The following ZNF141 variants were observed in gnomAD, a reference collection of about 807,000 sequenced individuals.
ZNF141 encodes the protein zinc finger protein 141 (clone pHZ-44).
In ZNF141, 7 loss-of-function variants were observed where a neutral mutation model predicts 11.3. The observed-to-expected ratio is 0.62, with a 90% CI of 0.35 to 1.16. The LOEUF is 1.16. Ranked by LOEUF, ZNF141 falls within the 50% of genes most tolerant of loss-of-function variation. ZNF141 has a pLI of 0.02. For missense variants in ZNF141, 535 were observed against 554.0 expected (o/e 0.97, Z 0.34); for synonymous variants, 183 against 190.7 (o/e 0.96, Z 0.33).
intron 3 of ZNF141, among the ~76,000 whole-genome samples, chr4:346,734 G>A (rs1721333947): frequency 6.6e-6 from 1 of 151,974 alleles, no homozygotes. Context: ...GTCTTTCCGT[G>A]TTTGGCTTAT....
chr4:365,380 C>T (rs146501840), intron 3 of ZNF141, among the ~76,000 whole-genome samples: 2 of 152,290 alleles, frequency 1.3e-5, no homozygotes, highest in South Asian at 4.2e-4. Flanking sequence ...GAACCAGGTA[C>T]CTCAGTTGGA....
chr4:353,249 T>A (rs73066321), intron 3 of ZNF141, among the ~76,000 whole-genome samples: 7,939 of 151,720 alleles, frequency 0.052, 511 homozygotes, highest in African/African-American at 0.15. Flanking sequence ...TGGCACGAAC[T>A]TGTATTCCCA....
At chr4:340,395 C>T (rs1720989979) in intron 1 of ZNF141, among the ~76,000 whole-genome samples, 1 of 152,234 alleles carries the variant, frequency 6.6e-6, no homozygotes, top group South Asian at 2.1e-4. Flanking sequence ...GGATAGCGAT[C>T]AGTTTTTCCA....
At chr4:338,393 AT>A (rs1343264093) in intron 1 of ZNF141, 1 of 186,682 alleles carries the variant, frequency 5.4e-6, no homozygotes, top group African/African-American at 2.4e-5. Flanking sequence ...ATGGGGACTC[AT>A]TAATGGGACA....
chr4:363,701 T>C (rs1711589627), intron 3 of ZNF141, among the ~76,000 whole-genome samples: 1 of 149,484 alleles, frequency 6.7e-6, no homozygotes, highest in African/African-American at 2.5e-5. Context: ...GAGCTTGCAG[T>C]GAGCCAAGAT....
intron 3 of ZNF141, among the ~76,000 whole-genome samples, chr4:349,226 G>C (rs1553850070): frequency 6.6e-6 from 1 of 151,364 alleles, no homozygotes; most frequent in African/African-American, 2.4e-5. Flanking sequence ...GTGAGTACAG[G>C]AGTTTGAGAT....
intron 3 of ZNF141, among the ~76,000 whole-genome samples, chr4:349,296 A>T (rs1228154101): frequency 6.6e-6 from 1 of 152,036 alleles, no homozygotes; most frequent in Non-Finnish European, 1.5e-5. Context: ...ACAAGCATCT[A>T]TATGTTGATT....
intron 3 of ZNF141, among the ~76,000 whole-genome samples, chr4:368,289 G>A (rs1711846573): frequency 6.6e-6 from 1 of 151,900 alleles, no homozygotes; most frequent in Non-Finnish European, 1.5e-5. Flanking sequence ...CAGTCAGAAT[G>A]TAAGTGCAGT....
In ZNF141 at chr4:373,490, C is replaced by T. The variant is rs1712188701; in HGVS notation, c.1053C>T (p.Ser351=). 6.2e-7 allele frequency: 1 copy of T among 1,613,834 alleles called. No individual in the cohort carries two copies. The highest frequency in any genetic ancestry group is 1.1e-5 in the South Asian group (1 of 91,070). The change falls in exon 4 of 4, where the codon TCC becomes TCT. Residue 351 remains serine (S), a synonymous_variant. Coordinates refer to ENST00000240499, the MANE Select transcript of ZNF141 (RefSeq NM_003441.4). ...AATGTGGCAAAGCTTTTAGACAGTC[C>T]TCAAAACTGAATGAACATAAGAAAG... ...CEECGKAFRQ[S]SKLNEHKKVH... is the part of the protein sequence containing the mutation.
chr4:339,583 T>C (rs1231188561), intron 1 of ZNF141, among the ~76,000 whole-genome samples: 1 of 152,244 alleles, frequency 6.6e-6, no homozygotes, highest in African/African-American at 2.4e-5. Context: ...ATGCTTTCTC[T>C]TTAGAATGAG....
In ZNF141 at chr4:345,680, A is replaced by AT. The variant is rs1721286257; in HGVS notation, c.226+1254dup. 2.9e-5 allele frequency among the ~76,000 whole-genome samples: 4 copies of AT among 138,696 alleles called. 1 individual carries two copies. The highest frequency in any genetic ancestry group is 1.1e-4 in the African/African-American group (4 of 35,260). The allele number at this position is 138,696 out of a possible 152,430, so 91.0% of individuals were successfully genotyped here. ...GAGACGGAGGTTGCGGTTTGCCGAG[A>AT]TTTTGCCATTGCACTCCAGCCTGGG... On this transcript the variant is annotated intron_variant, in intron 3 of 3. Coordinates refer to ENST00000240499, the MANE Select transcript of ZNF141 (RefSeq NM_003441.4).
At chr4:357,485 A>G (rs1721898606) in intron 3 of ZNF141, among the ~76,000 whole-genome samples, 2 of 151,684 alleles carry the variant, frequency 1.3e-5, no homozygotes, top group African/African-American at 4.8e-5. Flanking sequence ...ATGTGTCCTG[A>G]GCAATTTTTA....
In ZNF141 at chr4:378,835, A is replaced by ATTTTTTT. The variant is rs570639890; in HGVS notation, c.*4994_*5000dup. Among the ~76,000 whole-genome samples the ATTTTTTT allele has an allele frequency of 3.4e-4, 27 of 78,626 alleles. 2 individuals are homozygous for ATTTTTTT. Among genetic ancestry groups the ATTTTTTT allele is most frequent in the South Asian group, 1.0e-3 (2 of 1,914 alleles). 51.6% of individuals were successfully genotyped at this position (78,626 alleles called of 152,430 possible). ...GTTGAATCCAAACAGTTTCTCAGTGATTTTTTTTTTTTTTTTTTTTTTTTT... is the reference window on the plus strand; with the variant it reads ...GTTGAATCCAAACAGTTTCTCAGTGATTTTTTTTTTTTTTTTTTTTTTTTTTTTTTTT... On this transcript the variant is annotated 3_prime_UTR_variant, in exon 4 of 4. Transcript: ENST00000240499.
At chr4:344,466 A>C in intron 3 of ZNF141, 36 bp downstream of exon 3, 1 of 1,561,182 alleles carries the variant, frequency 6.4e-7, no homozygotes, top group Non-Finnish European at 8.7e-7. Context: ...GGCACAGGCA[A>C]GGGGACCAAA....
At chr4:350,427 C>T (rs782779476) in intron 3 of ZNF141, among the ~76,000 whole-genome samples, 1 of 152,142 alleles carries the variant, frequency 6.6e-6, no homozygotes, top group East Asian at 1.9e-4. Context: ...AGGATTTATC[C>T]TTATTGTAGC....
chr4:353,111 G>T (rs551144069), intron 3 of ZNF141, among the ~76,000 whole-genome samples: 16 of 152,250 alleles, frequency 1.1e-4, no homozygotes, highest in African/African-American at 3.9e-4. Context: ...GGTGGCTCAC[G>T]CCTGTAATCC....
chr4:377,282 A>G lies in ZNF141; in HGVS notation c.*3420A>G, dbSNP rs1212863842. On this transcript the variant is annotated 3_prime_UTR_variant, in exon 4 of 4. Transcript: ENST00000240499. ...AAACAAAGTTCTGGGTGTGTAATAG[A>G]TGCTTCATAATTAGCCATAAATATT... 6.6e-6 allele frequency among the ~76,000 whole-genome samples: 1 copy of G among 152,202 alleles called. No homozygotes were observed. Among genetic ancestry groups the G allele is most frequent in the African/African-American group, 2.4e-5 (1 of 41,444 alleles).
chr4:364,976 T>G (rs1389663745), intron 3 of ZNF141, among the ~76,000 whole-genome samples: 5 of 152,248 alleles, frequency 3.3e-5, no homozygotes, highest in Admixed American at 3.3e-4. Context: ...TGAGATGCAG[T>G]GGGCTTCGCC....
intron 3 of ZNF141, among the ~76,000 whole-genome samples, chr4:357,334 A>G (rs141422781): frequency 3.1e-4 from 47 of 151,662 alleles, no homozygotes; most frequent in African/African-American, 1.1e-3. Context: ...GCGTCCTGCT[A>G]TATTGACCCA....
Sources: allele counts gnomAD v4.1 joint callset (sites outside exome capture counted in the v4.1 genomes callset), GRCh38; gene constraint gnomAD v4.1.1; transcripts MANE v1.5; gene names NCBI Gene and HGNC (gene_info 2026-07-23, HGNC 2026-07-21).